The following PCDHGB6 variants were observed in gnomAD, a reference collection of about 807,000 sequenced individuals.
The protein encoded by PCDHGB6 is protocadherin gamma-B6.
A neutral mutation model predicts 59.1 loss-of-function variants in PCDHGB6; 51 were observed. The observed-to-expected ratio is 0.86, with a 90% CI of 0.69 to 1.09. PCDHGB6 has a LOEUF of 1.09. Ranked by LOEUF, PCDHGB6 falls within the 50% of genes least tolerant of loss-of-function variation. The pLI is 0.00. For missense variants in PCDHGB6, 1,148 were observed against 1,205.1 expected (o/e 0.95, Z 0.70); for synonymous variants, 466 against 495.1 (o/e 0.94, Z 0.78).
intron 1 of PCDHGB6, chr5:141,420,103 G>C (rs754672450): frequency 4.3e-6 from 7 of 1,613,990 alleles, no homozygotes; most frequent in Non-Finnish European, 2.5e-6. Context: ...AGGGAACGTT[G>C]CCCTATGCCT....
chr5:141,428,557 C>T (rs2097147196), intron 1 of PCDHGB6: 2 of 242,520 alleles, frequency 8.2e-6, no homozygotes, highest in Non-Finnish European at 1.6e-5. Context: ...AACAGTCCCC[C>T]CACAAGATCT....
chr5:141,419,638 C>G, intron 1 of PCDHGB6: 1 of 1,612,456 alleles, frequency 6.2e-7, no homozygotes, highest in Non-Finnish European at 8.5e-7. Context: ...AGGTGGTGGC[C>G]GTGGACGCGG....
chr5:141,410,660 T>C (rs911543817), intron 1 of PCDHGB6, 40 bp downstream of exon 1: 12 of 1,572,396 alleles, frequency 7.6e-6, no homozygotes, highest in African/African-American at 2.7e-5. Context: ...TCTAATAGTC[T>C]ACTAGTTTCT....
At chr5:141,496,734 G>A (rs527288196) in intron 2 of PCDHGB6, among the ~76,000 whole-genome samples, 4 of 152,066 alleles carry the variant, frequency 2.6e-5, no homozygotes, top group Non-Finnish European at 4.4e-5. Flanking sequence ...GTATTCATTC[G>A]TTCATTTATT....
At chr5:141,472,017 T>C (rs2154571143) in intron 1 of PCDHGB6, among the ~76,000 whole-genome samples, 1 of 152,290 alleles carries the variant, frequency 6.6e-6, no homozygotes, top group South Asian at 2.1e-4. Context: ...GGGCACTATA[T>C]TGTATGTAGA....
intron 1 of PCDHGB6, among the ~76,000 whole-genome samples, chr5:141,470,448 T>C (rs1384666661): frequency 6.6e-6 from 1 of 152,192 alleles, no homozygotes. Flanking sequence ...TTTAATAGCA[T>C]CTTGAATAGG....
chr5:141,422,853 C>T (rs746989617), intron 1 of PCDHGB6: 8 of 1,614,264 alleles, frequency 5.0e-6, no homozygotes, highest in South Asian at 3.3e-5. Flanking sequence ...GGGACCCGCC[C>T]CTCAGCAGCA....
intron 2 of PCDHGB6, among the ~76,000 whole-genome samples, chr5:141,502,944 A>G (rs1447378539): frequency 1.4e-5 from 2 of 145,406 alleles, no homozygotes; most frequent in Non-Finnish European, 1.5e-5. Context: ...CCTGGGTTCA[A>G]GCGATTCTCC....
intron 1 of PCDHGB6, chr5:141,413,769 G>T: frequency 6.2e-7 from 1 of 1,612,870 alleles, no homozygotes; most frequent in Non-Finnish European, 8.5e-7. Flanking sequence ...ACCCGGAGCT[G>T]GTACTGGAGC....
In PCDHGB6 at chr5:141,432,545, A is replaced by G; in HGVS notation, c.2418+21925A>G. Reference sequence around the variant, plus strand: ...GGTGACCAAGGTGGTGGCGGTGGACAGAGACTCCGGCCAGAACGCCTGGCT... The same window carrying G: ...GGTGACCAAGGTGGTGGCGGTGGACGGAGACTCCGGCCAGAACGCCTGGCT... On this transcript the variant is annotated intron_variant, in intron 1 of 3. Coordinates refer to ENST00000520790, the MANE Select transcript of PCDHGB6 (RefSeq NM_018926.3). This position sits in a 1 kb window ranked among gnomAD's most constrained non-coding sequence, Gnocchi z 6.0. The G allele has an allele frequency of 1.2e-6, 2 of 1,613,876 alleles. No homozygotes were observed. Among genetic ancestry groups the G allele is most frequent in the Non-Finnish European group, 1.7e-6 (2 of 1,179,984 alleles).
In PCDHGB6 at chr5:141,472,994, A is replaced by G. The variant is rs188075835; in HGVS notation, c.2419-21813A>G. Among the ~76,000 whole-genome samples, 1,141 of 151,802 alleles carry G rather than the reference A, an allele frequency of 7.5e-3. 5 individuals carry two copies. The highest frequency in any genetic ancestry group is 0.017 in the Middle Eastern group (5 of 294). ...AGAGTGAAACTCAAAAAAAAAAAAA[A>G]AAAGAAAGAAAAAGAAAAAGAAAGA... On this transcript the variant is annotated intron_variant, in intron 1 of 3. Transcript: ENST00000520790.
intron 1 of PCDHGB6, chr5:141,418,506 ATGG>A (rs2096264933): frequency 6.2e-7 from 1 of 1,613,860 alleles, no homozygotes; most frequent in African/African-American, 1.3e-5. Context: ...ACCGCCTTAG[ATGG>A]TGGGGACCCT....
intron 2 of PCDHGB6, among the ~76,000 whole-genome samples, chr5:141,498,068 A>G (rs765582921): frequency 6.6e-6 from 1 of 152,244 alleles, no homozygotes; most frequent in Non-Finnish European, 1.5e-5. Context: ...TGAAACTGTC[A>G]TAAGTGCTAG....
chr5:141,489,335 G>T lies in PCDHGB6; in HGVS notation c.2419-5472G>T. On this transcript the variant is annotated intron_variant, in intron 1 of 3. Transcript: ENST00000520790. This position sits in a 1 kb window ranked among gnomAD's most constrained non-coding sequence, Gnocchi z 4.5. ...TGGGGCTGGGTGTCTGGGCAGCTTC[G>T]TTACTCAGTGGTGGAGGAGTCTGAG... 1.2e-6 allele frequency: 2 copies of T among 1,607,364 alleles called. No individual in the cohort carries two copies. The highest frequency in any genetic ancestry group is 1.7e-6 in the Non-Finnish European group (2 of 1,175,842).
At chr5:141,447,275 G>C (rs2098532748) in intron 1 of PCDHGB6, among the ~76,000 whole-genome samples, 1 of 152,154 alleles carries the variant, frequency 6.6e-6, no homozygotes, top group African/African-American at 2.4e-5. Flanking sequence ...AAGTAGCTGG[G>C]ACTACAGGCA....
chr5:141,413,762 C>T (rs538764130), intron 1 of PCDHGB6: 3 of 1,612,894 alleles, frequency 1.9e-6, no homozygotes, highest in Admixed American at 1.7e-5. Flanking sequence ...GTCAAGTACC[C>T]GGAGCTGGTA....
At position 141,437,741 on chromosome 5, in the gene PCDHGB6, C is replaced by CTT. The variant is rs35124340; in HGVS notation, c.2418+27135_2418+27136dup. 4.3e-3 allele frequency among the ~76,000 whole-genome samples: 606 copies of CTT among 141,726 alleles called. 5 individuals are homozygous for CTT. The highest frequency in any genetic ancestry group is 0.012 in the Admixed American group (164 of 14,230). 93.0% of individuals were successfully genotyped at this position (141,726 alleles called of 152,430 possible). A position where few individuals can be genotyped will look rare whatever the true frequency, so the allele number is the denominator to read the frequency against. On this transcript the variant is annotated intron_variant, in intron 1 of 3. Transcript: ENST00000520790. ...CTCTAATGTTACACTTTGAGTTCAC[C>CTT]TTTTTTTTTTTTTTTGAGACAGAGT...
chr5:141,469,676 A>G (rs1227075639), intron 1 of PCDHGB6, among the ~76,000 whole-genome samples: 1 of 152,250 alleles, frequency 6.6e-6, no homozygotes, highest in African/African-American at 2.4e-5. Context: ...ATAAAACTAC[A>G]TATGCATTGG....
chr5:141,499,029 A>AAGGAAGGAAGG lies in PCDHGB6; in HGVS notation c.2477+4165_2477+4166insGGAAGGAAGGA, dbSNP rs1562187768. ...GGAAGGAAGGAAGGAAGGAAGGAAG[A>AAGGAAGGAAGG]AAAGAAAGAAAAAGGGAGAAAAAAT... On this transcript the variant is annotated intron_variant, in intron 2 of 3. Transcript: ENST00000520790. 4.1e-4 allele frequency among the ~76,000 whole-genome samples: 57 copies of AAGGAAGGAAGG among 140,074 alleles called. 2 individuals are homozygous for AAGGAAGGAAGG. Among genetic ancestry groups the AAGGAAGGAAGG allele is most frequent in the African/African-American group, 1.4e-3 (52 of 36,074 alleles). 91.9% of individuals were successfully genotyped at this position (140,074 alleles called of 152,430 possible).
Sources: gnomAD v4.1 joint callset for allele counts (sites outside exome capture counted in the v4.1 genomes callset) on GRCh38, gnomAD v4.1.1 for gene constraint, Gnocchi (gnomAD v3.1) non-coding constraint, MANE v1.5 for transcripts, NCBI Gene and HGNC (gene_info 2026-07-23, HGNC 2026-07-21) for gene names.